The following SOX6 variants were observed in gnomAD, a reference collection of about 807,000 sequenced individuals.
SOX6 encodes transcription factor SOX-6.
In SOX6, 11 loss-of-function variants were observed where a neutral mutation model predicts 97.8. That is an observed-to-expected ratio of 0.11 (90% CI 0.07 to 0.19). SOX6 has a LOEUF of 0.19. Among genes scored for constraint, SOX6 ranks in the 10% least tolerant of loss-of-function variants. The pLI, the probability that SOX6 is intolerant of heterozygous loss-of-function variation, is 1.00. For synonymous variants in SOX6, 360 were observed against 371.4 expected, an observed-to-expected ratio of 0.97 and a Z score of 0.35; for missense variants, 810 against 1,039.5, an observed-to-expected ratio of 0.78 and a Z score of 3.04.
chr11:16,252,260 A>G (rs1853537120), intron 3 of SOX6: 1 of 152,238 alleles, frequency 6.6e-6, no homozygotes, highest in African/African-American at 2.4e-5. Context: ...AGCTGAATAA[A>G]CTGAAAAGTC....
At chr11:16,461,980 T>C (rs1859939757) in intron 1 of SOX6, among the ~76,000 whole-genome samples, 1 of 152,218 alleles carries the variant, frequency 6.6e-6, no homozygotes, top group African/African-American at 2.4e-5. Flanking sequence ...TTGTTTCCAA[T>C]GCAGCATCTA....
At chr11:16,232,994 C>T (rs1332881453) in intron 4 of SOX6, among the ~76,000 whole-genome samples, 1 of 151,936 alleles carries the variant, frequency 6.6e-6, no homozygotes, top group Non-Finnish European at 1.5e-5. Context: ...TTAGTTAATG[C>T]AATGATTTAT....
chr11:16,281,251 G>A lies in SOX6; in HGVS notation c.445+37195C>T, dbSNP rs186742126. Among the ~76,000 whole-genome samples, 75 of 152,098 alleles carry A rather than the reference G, an allele frequency of 4.9e-4. 1 individual carries two copies. In the East Asian group the frequency reaches 0.013, roughly 26 times the overall value. On this transcript the variant is annotated intron_variant, in intron 3 of 15. Transcript: ENST00000683767. ...AGTCATAGCTTTTCAAATTGCTTTTGGTCGTGTATGTGTCACATATATGTG... is the reference window on the plus strand; with the variant it reads ...AGTCATAGCTTTTCAAATTGCTTTTAGTCGTGTATGTGTCACATATATGTG...
intron 2 of SOX6, among the ~76,000 whole-genome samples, chr11:16,335,012 C>T (rs1265506027): frequency 6.6e-6 from 1 of 152,100 alleles, no homozygotes; most frequent in East Asian, 1.9e-4. Context: ...CAACACTAGA[C>T]AACATTTGCT....
upstream of SOX6, among the ~76,000 whole-genome samples, chr11:16,479,739 A>G (rs373779361): frequency 1.1e-4 from 17 of 152,136 alleles, no homozygotes; most frequent in African/African-American, 4.1e-4. Context: ...TGGAAAAATA[A>G]GCACTTTCAT....
intron 12 of SOX6, among the ~76,000 whole-genome samples, chr11:16,037,569 C>T (rs1321382243): frequency 1.3e-5 from 2 of 152,134 alleles, no homozygotes; most frequent in South Asian, 4.1e-4. Flanking sequence ...CTTATAGTTT[C>T]ATAGCTTTTT....
chr11:16,711,876 C>G (rs1848183531), intron 3 of SOX6, among the ~76,000 whole-genome samples: 1 of 152,112 alleles, frequency 6.6e-6, no homozygotes, highest in African/African-American at 2.4e-5. Context: ...CCCTCTCACA[C>G]TTCCCCGCAA....
chr11:16,373,849 A>G (rs865997932), intron 1 of SOX6, among the ~76,000 whole-genome samples: 14 of 18,326 alleles, frequency 7.6e-4, no homozygotes, highest in African/African-American at 1.7e-3. Context: ...GGAAGGAAGG[A>G]AGGAAGGAAG....
chr11:16,644,779 T>C (rs1848986959), intron 3 of SOX6, among the ~76,000 whole-genome samples: 1 of 152,170 alleles, frequency 6.6e-6, no homozygotes. Flanking sequence ...ATCAAACTTG[T>C]TAATTGTATT....
intron 1 of SOX6, among the ~76,000 whole-genome samples, chr11:16,464,623 C>T (rs914264490): frequency 8.5e-5 from 13 of 152,140 alleles, no homozygotes; most frequent in Admixed American, 4.6e-4. Context: ...AAACCTAATT[C>T]ACCTGATTAT....
chr11:16,408,707 T>A (rs1261221783), intron 1 of SOX6: 1 of 143,732 alleles, frequency 7.0e-6, no homozygotes, highest in African/African-American at 2.5e-5. Flanking sequence ...CCTCCGCAGA[T>A]TTTTTTTTTT....
intron 2 of SOX6, among the ~76,000 whole-genome samples, chr11:16,717,183 T>C (rs948780485): frequency 1.3e-5 from 2 of 152,148 alleles, no homozygotes; most frequent in Non-Finnish European, 2.9e-5. Flanking sequence ...GTTTTATCCT[T>C]AAGATTACTT....
chr11:16,180,952 C>A (rs930865475), intron 6 of SOX6, among the ~76,000 whole-genome samples: 1 of 151,628 alleles, frequency 6.6e-6, no homozygotes, highest in Non-Finnish European at 1.5e-5. Flanking sequence ...AATGAAAAAT[C>A]CTGTTTTTCA....
chr11:16,254,602 A>G (rs1386475083), intron 3 of SOX6, among the ~76,000 whole-genome samples: 2 of 152,052 alleles, frequency 1.3e-5, no homozygotes, highest in Non-Finnish European at 2.9e-5. Context: ...ACTCTAGGCC[A>G]ACCACTTAAA....
intron 12 of SOX6, among the ~76,000 whole-genome samples, chr11:16,018,471 C>T (rs994317046): frequency 1.3e-5 from 2 of 151,980 alleles, no homozygotes; most frequent in East Asian, 3.9e-4. Flanking sequence ...TCAACTTCCT[C>T]TTACTGGCAT....
At chr11:16,374,128 C>G (rs1286451958) in intron 1 of SOX6, among the ~76,000 whole-genome samples, 1 of 152,048 alleles carries the variant, frequency 6.6e-6, no homozygotes, top group African/African-American at 2.4e-5. Flanking sequence ...CCAAATCTTT[C>G]TTTCTCTGAA....
chr11:16,324,839 A>C (rs1856028475), intron 2 of SOX6, among the ~76,000 whole-genome samples: 1 of 152,182 alleles, frequency 6.6e-6, no homozygotes, highest in Non-Finnish European at 1.5e-5. Flanking sequence ...CAGGCACAGA[A>C]AGACAAATAT....
intron 4 of SOX6, among the ~76,000 whole-genome samples, chr11:16,565,267 A>G (rs1280070185): frequency 1.3e-5 from 2 of 152,214 alleles, no homozygotes; most frequent in Non-Finnish European, 2.9e-5. Context: ...GAAATGACAT[A>G]GTTAATTTGA....
intron 6 of SOX6, among the ~76,000 whole-genome samples, chr11:16,171,021 A>G (rs995214028): frequency 2.0e-5 from 3 of 152,036 alleles, no homozygotes; most frequent in Non-Finnish European, 4.4e-5. Context: ...GTATTTGTCC[A>G]TAATTATTAA....
Sources: allele counts gnomAD v4.1 joint callset (sites outside exome capture counted in the v4.1 genomes callset), GRCh38; gene constraint gnomAD v4.1.1; transcripts MANE v1.5; gene names NCBI Gene and HGNC (gene_info 2026-07-23, HGNC 2026-07-21).